Variants in TRAPPC9 observed in about 807,000 individuals in gnomAD.
TRAPPC9 encodes the protein trafficking protein particle complex subunit 9, also known as IKK2 binding protein.
A neutral mutation model predicts 124.0 loss-of-function variants in TRAPPC9; 83 were observed. That is an observed-to-expected ratio of 0.67 (90% CI 0.56 to 0.80). The LOEUF (loss-of-function observed/expected upper bound fraction) is 0.80, where lower values mean the gene tolerates loss of function less well. Ranked by LOEUF, TRAPPC9 falls within the 30% of genes least tolerant of loss-of-function variation. The pLI is 0.00. For synonymous variants in TRAPPC9, 638 were observed against 617.5 expected (o/e 1.03, Z -0.49); for missense variants, 1,302 against 1,508.3 (o/e 0.86, Z 2.27).
intron 17 of TRAPPC9, among the ~76,000 whole-genome samples, chr8:140,163,001 G>A (rs777552554): frequency 6.6e-6 from 1 of 151,946 alleles, no homozygotes; most frequent in Non-Finnish European, 1.5e-5. Flanking sequence ...CAAAAAAAAA[G>A]AAATTATTAC....
chr8:140,047,545 C>T (rs1181468695), intron 17 of TRAPPC9, among the ~76,000 whole-genome samples: 3 of 152,178 alleles, frequency 2.0e-5, no homozygotes, highest in South Asian at 2.1e-4. Context: ...AAACACATCG[C>T]GCATGAAGAA....
chr8:139,993,734 A>G (rs1837787537), intron 18 of TRAPPC9, among the ~76,000 whole-genome samples: 1 of 152,212 alleles, frequency 6.6e-6, no homozygotes, highest in Non-Finnish European at 1.5e-5. Flanking sequence ...TATATGCCCC[A>G]CCACAGACAA....
chr8:139,810,018 C>T (rs1824330759), intron 21 of TRAPPC9, among the ~76,000 whole-genome samples: 4 of 152,190 alleles, frequency 2.6e-5, no homozygotes, highest in African/African-American at 9.7e-5. Context: ...TAACTGGAAA[C>T]ATACAGGTGG....
chr8:139,770,986 G>A (rs1044206939), intron 21 of TRAPPC9, among the ~76,000 whole-genome samples: 15 of 152,214 alleles, frequency 9.9e-5, no homozygotes, highest in Admixed American at 7.8e-4. Context: ...AAGTGGAGAA[G>A]AGGGTTGGGT....
intron 9 of TRAPPC9, among the ~76,000 whole-genome samples, chr8:140,315,822 T>C (rs2066428628): frequency 6.6e-6 from 1 of 152,226 alleles, no homozygotes; most frequent in Non-Finnish European, 1.5e-5. Context: ...TGAAATGGTG[T>C]TTAGTTTTCT....
At chr8:139,838,461 C>T (rs1826502193) in intron 21 of TRAPPC9, among the ~76,000 whole-genome samples, 1 of 152,222 alleles carries the variant, frequency 6.6e-6, no homozygotes, top group Non-Finnish European at 1.5e-5. Flanking sequence ...TGTGGGGTGG[C>T]ACCAGGACTG....
At chr8:140,427,179 A>G (rs752768664) in intron 4 of TRAPPC9, among the ~76,000 whole-genome samples, 1 of 150,756 alleles carries the variant, frequency 6.6e-6, no homozygotes, top group Non-Finnish European at 1.5e-5. Flanking sequence ...TACAGGCATG[A>G]CCCACCATGC....
chr8:139,751,877 CCCAT>C (rs371020119), intron 21 of TRAPPC9, among the ~76,000 whole-genome samples: 1 of 151,310 alleles, frequency 6.6e-6, no homozygotes, highest in African/African-American at 2.4e-5. Flanking sequence ...TCACCATCTA[CCCAT>C]CCATCCATCC....
intron 17 of TRAPPC9, among the ~76,000 whole-genome samples, chr8:140,176,842 T>C: frequency 6.6e-6 from 1 of 152,254 alleles, no homozygotes; most frequent in African/African-American, 2.4e-5. Flanking sequence ...TTTTTAGTCA[T>C]TCAAATGGAT....
chr8:140,231,639 T>A (rs551572215), intron 16 of TRAPPC9, among the ~76,000 whole-genome samples: 18 of 150,506 alleles, frequency 1.2e-4, no homozygotes, highest in Non-Finnish European at 2.2e-4. Context: ...ATTACAGGTG[T>A]GGCACCACCA....
intron 9 of TRAPPC9, among the ~76,000 whole-genome samples, chr8:140,312,008 T>A (rs4364612): frequency 0.33 from 50,278 of 151,966 alleles, 9,023 homozygotes; most frequent in East Asian, 0.65. Flanking sequence ...ATGACAGAGC[T>A]CAGGAGCACC....
At chr8:139,956,961 G>C (rs1835027870) in intron 19 of TRAPPC9, among the ~76,000 whole-genome samples, 1 of 152,262 alleles carries the variant, frequency 6.6e-6, no homozygotes, top group African/African-American at 2.4e-5. Context: ...CACCGGATAA[G>C]GCCCTGAGGT....
At chr8:140,325,092 T>C (rs2066702707) in intron 9 of TRAPPC9, among the ~76,000 whole-genome samples, 3 of 152,082 alleles carry the variant, frequency 2.0e-5, no homozygotes, top group Admixed American at 2.0e-4. Flanking sequence ...AAGTAAGCAA[T>C]GCATACACAC....
At chr8:140,315,443 T>G (rs7845481) in intron 9 of TRAPPC9, among the ~76,000 whole-genome samples, 2 of 151,930 alleles carry the variant, frequency 1.3e-5, no homozygotes, top group South Asian at 4.1e-4. Flanking sequence ...AAAAAGCTTA[T>G]GAAAGTTATA....
intron 17 of TRAPPC9, among the ~76,000 whole-genome samples, chr8:140,105,251 C>T (rs968777184): frequency 8.5e-5 from 13 of 152,308 alleles, no homozygotes; most frequent in East Asian, 3.9e-4. Flanking sequence ...TAGTGGTTGA[C>T]GCATAATAAA....
At chr8:140,404,726 A>G (rs1018994322) in intron 6 of TRAPPC9, among the ~76,000 whole-genome samples, 2 of 151,424 alleles carry the variant, frequency 1.3e-5, no homozygotes, top group East Asian at 1.9e-4. Flanking sequence ...ATGTGTGTAC[A>G]TGCATGTGTG....
chr8:140,385,739 T>C (rs1018859919), intron 7 of TRAPPC9, among the ~76,000 whole-genome samples: 5 of 152,106 alleles, frequency 3.3e-5, no homozygotes, highest in African/African-American at 1.2e-4. Flanking sequence ...ACCAGAGGTA[T>C]AAGGAGGAGC....
At chr8:139,986,021 G>A (rs1214577835) in intron 19 of TRAPPC9, among the ~76,000 whole-genome samples, 1 of 152,166 alleles carries the variant, frequency 6.6e-6, no homozygotes, top group Admixed American at 6.5e-5. Flanking sequence ...GAGGCGGGCG[G>A]ATCACAAGGT....
chr8:140,185,866 T>C (rs1474150752), intron 17 of TRAPPC9, among the ~76,000 whole-genome samples: 8 of 152,190 alleles, frequency 5.3e-5, no homozygotes, highest in Admixed American at 6.5e-5. Context: ...AGAGAGGAAC[T>C]ACAGGCTCAG....
Sources: allele counts gnomAD v4.1 joint callset (sites outside exome capture counted in the v4.1 genomes callset), GRCh38; gene constraint gnomAD v4.1.1; transcripts MANE v1.5; gene names NCBI Gene and HGNC (gene_info 2026-07-23, HGNC 2026-07-21).